The following LSM12 variants were observed in gnomAD, a reference collection of about 807,000 sequenced individuals.
The protein encoded by LSM12 is protein LSM12.
For synonymous variants in LSM12, 74 were observed against 87.3 expected, an observed-to-expected ratio of 0.85 and a Z score of 0.85; for missense variants, 108 against 238.9, an observed-to-expected ratio of 0.45 and a Z score of 3.61.
intron 4 of LSM12, 191 bp downstream of exon 4, chr17:44,037,221 C>A: frequency 1.8e-6 from 1 of 541,790 alleles, no homozygotes; most frequent in South Asian, 4.2e-5. Flanking sequence ...CACTTCTTTC[C>A]ACACCACCCA....
chr17:44,063,142 C>T (rs568860880), intron 2 of LSM12, among the ~76,000 whole-genome samples: 7 of 152,176 alleles, frequency 4.6e-5, no homozygotes, highest in African/African-American at 1.7e-4. Context: ...TGCATGTAAT[C>T]CCAGCTACTC....
At chr17:44,062,970 T>C (rs1249834706) in intron 2 of LSM12, among the ~76,000 whole-genome samples, 3 of 151,462 alleles carry the variant, frequency 2.0e-5, no homozygotes, top group Non-Finnish European at 2.9e-5. Flanking sequence ...CTCCAGAGGC[T>C]GAGGCACGAG....
chr17:44,045,232 T>A (rs2049546481), intron 2 of LSM12, among the ~76,000 whole-genome samples: 1 of 152,104 alleles, frequency 6.6e-6, no homozygotes. Flanking sequence ...TTCACCATGT[T>A]GGTCAGGCTG....
intron 1 of LSM12, among the ~76,000 whole-genome samples, chr17:44,066,084 A>G (rs2049870325): frequency 6.7e-6 from 1 of 149,956 alleles, no homozygotes; most frequent in African/African-American, 2.4e-5. Flanking sequence ...CCCTCCCCAT[A>G]ATATTTCACC....
intron 2 of LSM12, among the ~76,000 whole-genome samples, chr17:44,050,275 A>ATT (rs113687461): frequency 2.4e-4 from 33 of 137,300 alleles, no homozygotes; most frequent in South Asian, 4.6e-4. Flanking sequence ...TAATTTTTGT[A>ATT]TTTTTTTTTT....
chr17:44,054,133 C>A (rs905980847), intron 2 of LSM12, among the ~76,000 whole-genome samples: 5 of 152,146 alleles, frequency 3.3e-5, no homozygotes, highest in African/African-American at 4.8e-5. Flanking sequence ...CCAAGAAGGT[C>A]CCCTTGGGAA....
Position 44,063,869 on chromosome 17 carries a change from A to T in LSM12, c.190T>A (p.Ser64Thr). The change falls in exon 2 of 5, where the codon TCA (serine) becomes ACA (threonine). Residue 64 changes from serine to threonine, a missense_variant. Physicochemically the swap from Ser to Thr is moderately conservative, Grantham distance 58. Coordinates refer to ENST00000293406, the MANE Select transcript of LSM12 (RefSeq NM_001371445.1). ...DILLINLQYVSEVEIINDRTE... is the reference protein window; with the variant it reads ...DILLINLQYVTEVEIINDRTE... ...CGGTCATTAATTATTTCCACTTCTG[A>T]AACATACTGTAAGTTTATGAGCAAG... 1 of 1,614,114 alleles carries T rather than the reference A, an allele frequency of 6.2e-7. No homozygotes were observed.
chr17:44,037,396 A>T lies in LSM12; in HGVS notation c.495+16T>A. The T allele has an allele frequency of 6.3e-7, 1 of 1,575,400 alleles. No homozygotes were observed. Among genetic ancestry groups the T allele is most frequent in the South Asian group, 1.2e-5 (1 of 84,470 alleles). On this transcript the variant is annotated intron_variant, in intron 4 of 4. Coordinates refer to ENST00000293406, the MANE Select transcript of LSM12 (RefSeq NM_001371445.1). ...CCATCCTCTCTCCCCTAAAGTCTGAAGGCTCCTTTACTTACTATTTTGCGT... is the reference window on the plus strand; with the variant it reads ...CCATCCTCTCTCCCCTAAAGTCTGATGGCTCCTTTACTTACTATTTTGCGT...
In LSM12 at chr17:44,066,578, G is replaced by A. The variant is rs952428717; in HGVS notation, c.10C>T (p.Pro4Ser). 7.5e-6 allele frequency: 11 copies of A among 1,461,368 alleles called. No individual in the cohort carries two copies. The highest frequency in any genetic ancestry group is 9.1e-6 in the Non-Finnish European group (10 of 1,101,884). The allele number at this position is 1,461,368 out of a possible 1,614,324, so 90.5% of individuals were successfully genotyped here. MAAPPGEYFSVGSQ... is the reference protein window; with the variant it reads MAASPGEYFSVGSQ... ...CCAACGCTGAAGTACTCGCCCGGAG[G>A]AGCCGCCATCTTGGGAGTGCAGCCG... The change falls in exon 1 of 5, where the codon CCT becomes TCT. Residue 4 changes from proline to serine, a missense_variant. Transcript: ENST00000293406.
intron 1 of LSM12, among the ~76,000 whole-genome samples, chr17:44,064,525 G>A (rs980510509): frequency 2.6e-5 from 4 of 151,914 alleles, no homozygotes; most frequent in Non-Finnish European, 2.9e-5. Context: ...TTGAGGTCAG[G>A]AGTTCAAGAC....
At chr17:44,049,409 C>CT (rs2049613602) in intron 2 of LSM12, among the ~76,000 whole-genome samples, 2 of 152,112 alleles carry the variant, frequency 1.3e-5, no homozygotes, top group Admixed American at 6.6e-5. Context: ...TACAGAGTAG[C>CT]TGAGACTATA....
intron 2 of LSM12, among the ~76,000 whole-genome samples, chr17:44,044,843 A>C (rs1271904096): frequency 6.6e-6 from 1 of 152,182 alleles, no homozygotes; most frequent in African/African-American, 2.4e-5. Context: ...CTGCTGTACA[A>C]ATCTAAATTT....
At chr17:44,066,370 C>G in intron 1 of LSM12, 94 bp downstream of exon 1, 3 of 1,462,646 alleles carry the variant, frequency 2.1e-6, no homozygotes, top group South Asian at 2.7e-5. Flanking sequence ...CCCCTAGGCC[C>G]GGAGAGAGCC....
At chr17:44,052,886 ACT>A (rs963437054) in intron 2 of LSM12, among the ~76,000 whole-genome samples, 2 of 151,766 alleles carry the variant, frequency 1.3e-5, no homozygotes, top group African/African-American at 2.4e-5. Context: ...CAAGAGCAAA[ACT>A]CTGTCTTAAA....
At chr17:44,065,885 G>C (rs1228954921) in intron 1 of LSM12, among the ~76,000 whole-genome samples, 1 of 150,728 alleles carries the variant, frequency 6.6e-6, no homozygotes. Flanking sequence ...ACATACACAC[G>C]CATCAGCGAA....
At chr17:44,040,120 C>A (rs767912334) in intron 3 of LSM12, 27 bp downstream of exon 3, 1 of 1,569,920 alleles carries the variant, frequency 6.4e-7, no homozygotes, top group Non-Finnish European at 8.8e-7. Context: ...TACCCCAGGA[C>A]AAAGGACCTC....
At chr17:44,038,070 C>T (rs7213895) in intron 3 of LSM12, among the ~76,000 whole-genome samples, 1 of 152,046 alleles carries the variant, frequency 6.6e-6, no homozygotes, top group Non-Finnish European at 1.5e-5. Flanking sequence ...GAGAACAGGT[C>T]GGGCGCGGTG....
At chr17:44,050,061 T>G (rs1439021051) in intron 2 of LSM12, among the ~76,000 whole-genome samples, 1 of 152,194 alleles carries the variant, frequency 6.6e-6, no homozygotes, top group Non-Finnish European at 1.5e-5. Flanking sequence ...TTCCCTATGT[T>G]TTGAATCTGG....
At chr17:44,036,429 T>C (rs1011978818) in intron 4 of LSM12, 129 bp from the exon 5 acceptor site, 16 of 1,211,306 alleles carry the variant, frequency 1.3e-5, no homozygotes, top group Admixed American at 4.2e-5. Flanking sequence ...ACCTTTGCCC[T>C]TGCTGTCTAT....
Sources: allele counts gnomAD v4.1 joint callset (sites outside exome capture counted in the v4.1 genomes callset), GRCh38; gene constraint gnomAD v4.1.1; transcripts MANE v1.5; gene names NCBI Gene and HGNC (gene_info 2026-07-23, HGNC 2026-07-21).